The following CHD5 variants were observed in gnomAD, a reference collection of about 807,000 sequenced individuals.
The protein encoded by CHD5 is chromodomain helicase DNA binding protein 5, also known as ATP-dependent chromatin remodeler CHD5.
CHD5 carries 69 observed loss-of-function variants against 230.3 expected under a neutral mutation model. The ratio of observed to expected loss-of-function variants is 0.30; its 90% CI spans 0.25 to 0.37. The LOEUF is 0.37. Ranked by LOEUF, CHD5 falls within the 10% of genes least tolerant of loss-of-function variation. The pLI is 1.00. For synonymous variants in CHD5, 1,064 were observed against 1,065.9 expected (o/e 1.00, Z 0.03); for missense variants, 1,827 against 2,622.8 (o/e 0.70, Z 6.63).
Position 6,155,775 on chromosome 1 carries a change from A to C in CHD5, c.388-58T>G. 1 of 1,331,254 alleles carries C rather than the reference A, an allele frequency of 7.5e-7. No homozygotes were observed. The highest frequency in any genetic ancestry group is 1.1e-6 in the Non-Finnish European group (1 of 926,240). The allele number at this position is 1,331,254 out of a possible 1,614,324, so 82.5% of individuals were successfully genotyped here. A position where few individuals can be genotyped will look rare whatever the true frequency, so the allele number is the denominator to read the frequency against. On this transcript the variant is annotated intron_variant, in intron 3 of 41. Coordinates refer to ENST00000262450, the MANE Select transcript of CHD5 (RefSeq NM_015557.3). This position sits in a 1 kb window ranked among gnomAD's most constrained non-coding sequence, Gnocchi z 4.0. ...GAGGGGCCTTCTGACCTGCACCCCC[A>C]TCCCCAGGGTCTCTGCCTAGGAGGC...
At chr1:6,165,678 CA>C (rs202112904) in intron 2 of CHD5, among the ~76,000 whole-genome samples, 3,399 of 152,140 alleles carry the variant, frequency 0.022, 132 homozygotes, top group African/African-American at 0.078. Flanking sequence ...CCATCTACCC[CA>C]TGCCCAGCAC....
In CHD5 at chr1:6,124,675, G is replaced by GC. The variant is rs1239420848; in HGVS notation, c.4395-15_4395-14insG. 5 of 773,260 alleles carry GC rather than the reference G, an allele frequency of 6.5e-6. No homozygotes were observed. The East Asian group carries it at 1.2e-4, about 18-fold the overall frequency. 47.9% of individuals were successfully genotyped at this position (773,260 alleles called of 1,614,324 possible). ...GACACATAGGCTCTGGGGTGGGGGG[G>GC]GGGGACTGGGGCTCAGGGAGTGGGG... On this transcript the variant is annotated splice_polypyrimidine_tract_variant and intron_variant, in intron 29 of 41. Transcript: ENST00000262450.
Position 6,125,446 on chromosome 1 carries a change from G to A in CHD5, c.4260+78C>T. The A allele has an allele frequency of 2.7e-6, 4 of 1,456,578 alleles. No individual in the cohort carries two copies. Among genetic ancestry groups the A allele is most frequent in the East Asian group, 2.5e-5 (1 of 40,290 alleles). The allele number at this position is 1,456,578 out of a possible 1,614,324, so 90.2% of individuals were successfully genotyped here. On this transcript the variant is annotated intron_variant, in intron 28 of 41. Coordinates refer to ENST00000262450, the MANE Select transcript of CHD5 (RefSeq NM_015557.3). The surrounding 1 kb of genome is among the most constrained non-coding windows in gnomAD (Gnocchi z 6.7). Reference sequence around the variant, plus strand: ...TCTACCTGGCATGAGACCCGGGGCAGTCCCCCAGCCCTCCTCCATACCCCA... The same window carrying A: ...TCTACCTGGCATGAGACCCGGGGCAATCCCCCAGCCCTCCTCCATACCCCA...
chr1:6,124,467 G>A, intron 30 of CHD5, 50 bp downstream of exon 30: 1 of 1,606,320 alleles, frequency 6.2e-7, no homozygotes, highest in Non-Finnish European at 8.5e-7. Flanking sequence ...GACAGCACCA[G>A]GAGCCCAGGC....
chr1:6,117,990 T>A (rs1270990556), intron 33 of CHD5, among the ~76,000 whole-genome samples: 1 of 152,052 alleles, frequency 6.6e-6, no homozygotes, highest in African/African-American at 2.4e-5. Flanking sequence ...TGTACACAAA[T>A]GTGTACAGTA....
intron 15 of CHD5, among the ~76,000 whole-genome samples, chr1:6,141,575 A>G (rs1015704935): frequency 1.1e-4 from 16 of 152,002 alleles, no homozygotes; most frequent in Middle Eastern, 3.2e-3. Context: ...AGATCGCCCC[A>G]CTGCACTCCA....
chr1:6,154,044 C>T lies in CHD5; in HGVS notation c.745+616G>A, dbSNP rs1208513031. On this transcript the variant is annotated intron_variant, in intron 5 of 41. Transcript: ENST00000262450. The surrounding 1 kb of genome is among the most constrained non-coding windows in gnomAD (Gnocchi z 7.0). ...CCTGCCACTGAGGCAGAATTTGGAT[C>T]TCGATCTCCTTCCAGGCCTGTCCCA... Among the ~76,000 whole-genome samples the T allele has an allele frequency of 2.0e-5, 3 of 152,244 alleles. No homozygotes were observed. The East Asian group carries it at 5.8e-4, about 29-fold the overall frequency.
rs544066068 is a variant in CHD5, at chr1:6,131,382, T to C, written c.3262+249A>G. ...ACTGGGGCTCACCTGGCGTCAATAT[T>C]AGAGGCCCCGTCTGCGTTTCTCATT... On this transcript the variant is annotated intron_variant, in intron 21 of 41. Coordinates refer to ENST00000262450, the MANE Select transcript of CHD5 (RefSeq NM_015557.3). The surrounding 1 kb of genome is among the most constrained non-coding windows in gnomAD (Gnocchi z 5.0). Among the ~76,000 whole-genome samples the C allele has an allele frequency of 6.6e-6, 1 of 152,184 alleles. No individual in the cohort carries two copies. Among genetic ancestry groups the C allele is most frequent in the South Asian group, 2.1e-4 (1 of 4,826 alleles).
At position 6,155,021 on chromosome 1, in the gene CHD5, A is replaced by G. The variant is rs1667059723; in HGVS notation, c.507-123T>C. On this transcript the variant is annotated intron_variant, in intron 4 of 41. Coordinates refer to ENST00000262450, the MANE Select transcript of CHD5 (RefSeq NM_015557.3). This position sits in a 1 kb window ranked among gnomAD's most constrained non-coding sequence, Gnocchi z 4.0. Reference sequence around the variant, plus strand: ...CTATGGCAGCAGCCCCAGGTTCCTGATTAGAGAGATTAGGCGGGAAACCCA... The same window carrying G: ...CTATGGCAGCAGCCCCAGGTTCCTGGTTAGAGAGATTAGGCGGGAAACCCA... 4 of 867,524 alleles carry G rather than the reference A, an allele frequency of 4.6e-6. No individual in the cohort carries two copies. In the Admixed American group the frequency reaches 8.3e-5, roughly 18 times the overall value. 53.7% of individuals were successfully genotyped at this position (867,524 alleles called of 1,614,324 possible). A position where few individuals can be genotyped will look rare whatever the true frequency, so the allele number is the denominator to read the frequency against.
At chr1:6,108,741 G>C (rs1055704748) in intron 38 of CHD5, among the ~76,000 whole-genome samples, 1 of 150,074 alleles carries the variant, frequency 6.7e-6, no homozygotes. Context: ...ATGATGGAGA[G>C]ACAGAGGGAT....
intron 2 of CHD5, among the ~76,000 whole-genome samples, chr1:6,165,212 C>T (rs1172132613): frequency 6.6e-6 from 1 of 152,144 alleles, no homozygotes; most frequent in Non-Finnish European, 1.5e-5. Context: ...CCAGGCCTCG[C>T]CCCTGTCCAG....
At chr1:6,117,307 T>C (rs1222438936) in intron 33 of CHD5, among the ~76,000 whole-genome samples, 1 of 152,136 alleles carries the variant, frequency 6.6e-6, no homozygotes, top group East Asian at 1.9e-4. Flanking sequence ...GAATCCCCTA[T>C]ACACCGTCTA....
chr1:6,125,214 CG>C lies in CHD5; in HGVS notation c.4279del (p.Arg1427AspfsTer7). ...GGCGTTCAGAAAGGCCTTCCGCTGT[CG>C]GGCATTGAAGCCCAGCACCTGGGCG... is the stretch of plus-strand genomic sequence containing the variant. Reference protein sequence around the residue: ...GNIEVLGFNARQRKAFLNAIM... With the variant: ...GNIEVLGFNAXQRKAFLNAIM... On this transcript the variant is annotated frameshift_variant, in exon 29 of 42. Coordinates refer to ENST00000262450, the MANE Select transcript of CHD5 (RefSeq NM_015557.3). LOFTEE classifies it high-confidence loss of function. This position sits in a 1 kb window ranked among gnomAD's most constrained non-coding sequence, Gnocchi z 6.7. The C allele has an allele frequency of 6.2e-7, 1 of 1,601,522 alleles. No homozygotes were observed.
At chr1:6,159,772 C>T (rs949512089) in intron 2 of CHD5, among the ~76,000 whole-genome samples, 16 of 152,232 alleles carry the variant, frequency 1.1e-4, no homozygotes, top group African/African-American at 2.9e-4. Context: ...GCAGGTGAGG[C>T]GAGGTGAGGC....
chr1:6,156,684 G>A (rs12126960), intron 3 of CHD5, among the ~76,000 whole-genome samples: 23,389 of 152,232 alleles, frequency 0.15, 2,006 homozygotes, highest in East Asian at 0.38. Context: ...TGGGCCAGCT[G>A]GGGGCACAGC....
rs1241539073 is a variant in CHD5, at chr1:6,125,220, T to C, written c.4274A>G (p.Asn1425Ser). Reference protein sequence around the residue: ...VGGNIEVLGFNARQRKAFLNA... With the variant: ...VGGNIEVLGFSARQRKAFLNA... Reference sequence around the variant, plus strand: ...CAGAAAGGCCTTCCGCTGTCGGGCATTGAAGCCCAGCACCTGGGCGAGTGG... The same window carrying C: ...CAGAAAGGCCTTCCGCTGTCGGGCACTGAAGCCCAGCACCTGGGCGAGTGG... The change falls in exon 29 of 42, where the codon AAT becomes AGT. Residue 1425 changes from asparagine (N) to serine (S), a missense_variant. Asn to Ser is a conservative substitution (Grantham distance 46, BLOSUM62 1). This residue lies in a region of CHD5 where 137 missense variants were observed against 272.7 expected (regional missense o/e 0.50). Transcript: ENST00000262450. This position sits in a 1 kb window ranked among gnomAD's most constrained non-coding sequence, Gnocchi z 6.7. 6.2e-7 allele frequency: 1 copy of C among 1,603,824 alleles called. No individual in the cohort carries two copies. The highest frequency in any genetic ancestry group is 8.5e-7 in the Non-Finnish European group (1 of 1,178,764).
chr1:6,127,339 T>C (rs6662604), intron 25 of CHD5, among the ~76,000 whole-genome samples: 17,185 of 151,840 alleles, frequency 0.11, 1,243 homozygotes, highest in East Asian at 0.35. Flanking sequence ...ATACAAAGAT[T>C]AGACAGGCGT....
rs776786583 is a variant in CHD5, at chr1:6,124,592, G to A, written c.4464C>T (p.Asp1488=). The part of the protein sequence containing the change: ...PGADGAETFA[D]GVPREGLSRQ... The stretch of plus-strand genomic sequence containing the variant: ...TGGAGAGGCCCTCCCGGGGCACGCC[G>A]TCTGCGAAGGTCTCTGCACCATCCG... Residue 1488 remains aspartate (D), a synonymous_variant, in exon 30 of 42, where the codon GAC becomes GAT. Transcript: ENST00000262450. 8.7e-6 allele frequency: 14 copies of A among 1,609,762 alleles called. No individual in the cohort carries two copies. The highest frequency in any genetic ancestry group is 7.7e-5 in the South Asian group (7 of 90,700).
At chr1:6,110,076 C>G in intron 37 of CHD5, 86 bp from the exon 38 acceptor site, 1 of 1,255,712 alleles carries the variant, frequency 8.0e-7, no homozygotes, top group Non-Finnish European at 1.1e-6. Flanking sequence ...CAGGCCAAGG[C>G]TCCCGGCAGA....
Sources: gnomAD v4.1 joint callset for allele counts (sites outside exome capture counted in the v4.1 genomes callset) on GRCh38, gnomAD v4.1.1 for gene constraint, gnomAD v4.1.1 regional missense constraint, Gnocchi (gnomAD v3.1) non-coding constraint, MANE v1.5 for transcripts, NCBI Gene and HGNC (gene_info 2026-07-23, HGNC 2026-07-21) for gene names.